The following NMBR variants were observed in gnomAD, a reference collection of about 807,000 sequenced individuals.
NMBR encodes neuromedin-B receptor.
NMBR carries 16 observed loss-of-function variants against 20.5 expected under a neutral mutation model. The observed-to-expected ratio is 0.78, with a 90% CI of 0.53 to 1.19. The LOEUF (loss-of-function observed/expected upper bound fraction) is 1.19. Among genes scored for constraint, NMBR ranks in the 50% most tolerant of loss-of-function variants. The probability of loss-of-function intolerance (pLI) is 0.00; values close to 1 mark genes in which losing one functional copy is unlikely to be tolerated. For synonymous variants in NMBR, 212 were observed against 196.6 expected (o/e 1.08, Z -0.65); for missense variants, 582 against 499.1 (o/e 1.17, Z -1.58).
At chr6:142,135,858 G>C (rs1420477326) in intron 1 of NMBR, among the ~76,000 whole-genome samples, 4 of 150,378 alleles carry the variant, frequency 2.7e-5, no homozygotes, top group East Asian at 1.9e-4. Flanking sequence ...GTATTCCATG[G>C]TGTATATGTG....
intron 1 of NMBR, chr6:142,134,524 C>T (rs1413583039): frequency 6.0e-6 from 3 of 496,638 alleles, no homozygotes; most frequent in Middle Eastern, 2.8e-4. Context: ...TTCTGACATA[C>T]TTTAGGTGTT....
chr6:142,100,001 A>G (rs572359773), intron 1 of NMBR, among the ~76,000 whole-genome samples: 8 of 152,194 alleles, frequency 5.3e-5, no homozygotes, highest in Non-Finnish European at 1.0e-4. Context: ...GCAAATTAAG[A>G]CAACAAGATA....
intron 1 of NMBR, among the ~76,000 whole-genome samples, chr6:142,123,118 G>A (rs1777973320): frequency 6.6e-6 from 1 of 151,962 alleles, no homozygotes; most frequent in Admixed American, 6.6e-5. Context: ...AAGAATATTT[G>A]TGATTCATAG....
intron 2 of NMBR, among the ~76,000 whole-genome samples, chr6:142,080,710 C>A (rs1777077308): frequency 6.6e-6 from 1 of 152,128 alleles, no homozygotes; most frequent in Non-Finnish European, 1.5e-5. Context: ...AATAAATTTG[C>A]ATAATTATTG....
intron 3 of NMBR, among the ~76,000 whole-genome samples, chr6:142,076,418 A>G (rs1776950397): frequency 6.6e-6 from 1 of 152,170 alleles, no homozygotes; most frequent in Non-Finnish European, 1.5e-5. Context: ...GAATATATTC[A>G]AGCTTAGGTG....
At chr6:142,109,489 T>A (rs1777721026) in intron 1 of NMBR, among the ~76,000 whole-genome samples, 2 of 147,896 alleles carry the variant, frequency 1.4e-5, no homozygotes, top group Non-Finnish European at 3.0e-5. Context: ...TTTTTTTTTT[T>A]TTTTTTTTGA....
At chr6:142,146,572 A>T (rs1456812475) in intron 1 of NMBR, among the ~76,000 whole-genome samples, 1 of 152,168 alleles carries the variant, frequency 6.6e-6, no homozygotes, top group Non-Finnish European at 1.5e-5. Flanking sequence ...CAAGATAATA[A>T]ATATGAAAAT....
intron 1 of NMBR, among the ~76,000 whole-genome samples, chr6:142,110,524 T>C (rs1378202949): frequency 6.6e-6 from 1 of 152,156 alleles, no homozygotes; most frequent in Admixed American, 6.5e-5. Flanking sequence ...TTATGTGAAA[T>C]GCTAGAAGAG....
At chr6:142,122,366 T>C (rs1331343925) in intron 1 of NMBR, among the ~76,000 whole-genome samples, 6 of 151,914 alleles carry the variant, frequency 3.9e-5, no homozygotes, top group Admixed American at 3.3e-4. Context: ...CATAAAAATA[T>C]ACCTTGTAAT....
chr6:142,075,383 A>C lies in NMBR; in HGVS notation c.*265T>G, dbSNP rs556725302. 6.6e-6 allele frequency among the ~76,000 whole-genome samples: 1 copy of C among 152,214 alleles called. No individual in the cohort carries two copies. The highest frequency in any genetic ancestry group is 1.9e-4 in the East Asian group (1 of 5,182). ...TAAATGTGAAATATATATAATGTAC[A>C]TGTGTGTACATGTGTGTGTGCAAAT... is the stretch of plus-strand genomic sequence containing the variant. On this transcript the variant is annotated 3_prime_UTR_variant, in exon 4 of 4. Transcript: ENST00000258042.
At chr6:142,146,316 G>A (rs920636579) in intron 1 of NMBR, among the ~76,000 whole-genome samples, 2 of 152,178 alleles carry the variant, frequency 1.3e-5, no homozygotes, top group Non-Finnish European at 2.9e-5. Flanking sequence ...GGCTCTTGGG[G>A]ATAGTGTGAT....
intron 1 of NMBR, chr6:142,132,989 G>A (rs1430579253): frequency 4.6e-6 from 2 of 434,448 alleles, no homozygotes; most frequent in Non-Finnish European, 8.2e-6. Flanking sequence ...GGTTGAATGG[G>A]GCCCCAGAGA....
intron 2 of NMBR, among the ~76,000 whole-genome samples, chr6:142,086,962 AG>A (rs1374958561): frequency 3.3e-5 from 5 of 152,208 alleles, no homozygotes; most frequent in African/African-American, 1.2e-4. Flanking sequence ...TTGCATAAAG[AG>A]GGGCAGCTAA....
intron 1 of NMBR, among the ~76,000 whole-genome samples, chr6:142,137,221 A>C (rs1373355146): frequency 7.9e-5 from 12 of 152,060 alleles, no homozygotes; most frequent in Non-Finnish European, 1.6e-4. Flanking sequence ...GTCCCTTGTA[A>C]GTTGGATTCC....
At chr6:142,110,659 G>T (rs1777746318) in intron 1 of NMBR, among the ~76,000 whole-genome samples, 1 of 152,114 alleles carries the variant, frequency 6.6e-6, no homozygotes, top group Non-Finnish European at 1.5e-5. Context: ...GGTGACAGTT[G>T]TACACTCTGT....
chr6:142,110,350 T>A (rs1458981242), intron 1 of NMBR, among the ~76,000 whole-genome samples: 2 of 152,114 alleles, frequency 1.3e-5, no homozygotes. Context: ...ATGGATTAAA[T>A]AAAACATGTT....
At chr6:142,138,990 T>C (rs1778319405) in intron 1 of NMBR, among the ~76,000 whole-genome samples, 1 of 152,194 alleles carries the variant, frequency 6.6e-6, no homozygotes, top group Admixed American at 6.5e-5. Flanking sequence ...CTTTTCTGTG[T>C]GCTCTATCAG....
intron 1 of NMBR, among the ~76,000 whole-genome samples, chr6:142,103,712 A>G (rs1161168306): frequency 6.6e-6 from 1 of 152,214 alleles, no homozygotes; most frequent in East Asian, 1.9e-4. Context: ...TTTGACTTGC[A>G]CCATGGAGTT....
At chr6:142,129,977 G>C (rs541021047) in intron 1 of NMBR, among the ~76,000 whole-genome samples, 2 of 152,014 alleles carry the variant, frequency 1.3e-5, no homozygotes, top group African/African-American at 4.8e-5. Context: ...TCACATTAAT[G>C]CCATTCATTT....
Sources: gnomAD v4.1 joint callset for allele counts (sites outside exome capture counted in the v4.1 genomes callset) on GRCh38, gnomAD v4.1.1 for gene constraint, MANE v1.5 for transcripts, NCBI Gene and HGNC (gene_info 2026-07-23, HGNC 2026-07-21) for gene names.